ANKFN1: variants seen among roughly 807,000 people sequenced by gnomAD.
ANKFN1 encodes the protein ankyrin repeat and fibronectin type III domain containing 1.
In ANKFN1, 74 loss-of-function variants were observed where a neutral mutation model predicts 108.7. The observed-to-expected ratio is 0.68, with a 90% confidence interval of 0.56 to 0.83. The LOEUF (loss-of-function observed/expected upper bound fraction) is 0.83, where lower values mean the gene tolerates loss of function less well. Among genes scored for constraint, ANKFN1 ranks in the 40% least tolerant of loss-of-function variants. ANKFN1 has a pLI of 0.00. For missense variants in ANKFN1, 1,505 were observed against 1,382.3 expected (o/e 1.09, Z -1.41); for synonymous variants, 547 against 516.2 (o/e 1.06, Z -0.81).
intron 8 of ANKFN1, among the ~76,000 whole-genome samples, chr17:56,397,189 A>T (rs2047613329): frequency 6.6e-6 from 1 of 152,130 alleles, no homozygotes; most frequent in East Asian, 1.9e-4. Flanking sequence ...CATCACCCCC[A>T]ACTAATCCCA....
At chr17:56,449,209 G>C in intron 11 of ANKFN1, 23 bp downstream of exon 11, 4 of 1,599,524 alleles carry the variant, frequency 2.5e-6, no homozygotes, top group Non-Finnish European at 3.4e-6. Flanking sequence ...ATCTGTGCTG[G>C]GCCATCAACT....
chr17:56,162,100 G>A (rs1490544930), intron 1 of ANKFN1, among the ~76,000 whole-genome samples: 10 of 152,138 alleles, frequency 6.6e-5, no homozygotes, highest in Non-Finnish European at 1.5e-4. Context: ...AGTGTAGTCA[G>A]GGCAGGGGGT....
At chr17:56,139,145 G>A (rs1015550043) in intron 4 of ANKFN1, among the ~76,000 whole-genome samples, 4 of 151,914 alleles carry the variant, frequency 2.6e-5, no homozygotes, top group Non-Finnish European at 5.9e-5. Context: ...TATTTTTAAT[G>A]CCATTATTAA....
At chr17:56,450,354 A>T (rs1390630795) in intron 11 of ANKFN1, among the ~76,000 whole-genome samples, 4 of 152,238 alleles carry the variant, frequency 2.6e-5, no homozygotes, top group Non-Finnish European at 5.9e-5. Flanking sequence ...CATTAGCAAA[A>T]GGTTGTTCCC....
At chr17:56,234,026 T>C (rs529732154) in intron 3 of ANKFN1, among the ~76,000 whole-genome samples, 2 of 152,266 alleles carry the variant, frequency 1.3e-5, no homozygotes, top group South Asian at 2.1e-4. Flanking sequence ...AGACAGAACA[T>C]TCCTTTTTGT....
intron 4 of ANKFN1, among the ~76,000 whole-genome samples, chr17:56,125,634 A>G (rs1286226922): frequency 6.6e-6 from 1 of 152,226 alleles, no homozygotes; most frequent in African/African-American, 2.4e-5. Context: ...TTTCCATTTT[A>G]CAAATGAGGA....
intron 17 of ANKFN1, among the ~76,000 whole-genome samples, 191 bp downstream of exon 17, chr17:56,481,009 T>C (rs892298696): frequency 6.7e-6 from 1 of 148,974 alleles, no homozygotes; most frequent in African/African-American, 2.5e-5. Context: ...GCGCTTCTGT[T>C]CCTTTCCTCC....
intron 3 of ANKFN1, chr17:56,323,094 A>T (rs1221103587): frequency 6.6e-6 from 1 of 152,216 alleles, no homozygotes; most frequent in Non-Finnish European, 1.5e-5. Flanking sequence ...CACATTCGCA[A>T]ATATCCTAAG....
intron 8 of ANKFN1, among the ~76,000 whole-genome samples, chr17:56,401,874 C>T (rs957273994): frequency 3.9e-5 from 6 of 151,978 alleles, no homozygotes; most frequent in African/African-American, 1.4e-4. Flanking sequence ...CCCTTGTATG[C>T]CAATTTTGCT....
intron 3 of ANKFN1, among the ~76,000 whole-genome samples, chr17:56,300,930 T>C (rs1374494758): frequency 6.6e-6 from 1 of 152,228 alleles, no homozygotes; most frequent in Non-Finnish European, 1.5e-5. Flanking sequence ...AACTCATGCA[T>C]ACAAGTAGTC....
At chr17:56,368,273 G>GA in intron 6 of ANKFN1, 1 of 35,430 alleles carries the variant, frequency 2.8e-5, no homozygotes, top group Non-Finnish European at 1.0e-4. Flanking sequence ...AACTGAAAAT[G>GA]AACTTTTTTT....
intron 3 of ANKFN1, among the ~76,000 whole-genome samples, chr17:56,287,010 G>A (rs1419483672): frequency 5.9e-5 from 9 of 152,076 alleles, no homozygotes; most frequent in Non-Finnish European, 1.2e-4. Context: ...ACCTGGGGGC[G>A]AGGCTTCTCT....
intron 8 of ANKFN1, among the ~76,000 whole-genome samples, chr17:56,420,180 G>GCTGCATA (rs2048358069): frequency 1.3e-5 from 2 of 152,150 alleles, no homozygotes; most frequent in Non-Finnish European, 2.9e-5. Flanking sequence ...ATGAATAGAT[G>GCTGCATA]GATGGGAAAT....
At chr17:56,492,061 C>T in intron 18 of ANKFN1, 126 bp from the exon 19 acceptor site, 1 of 606,270 alleles carries the variant, frequency 1.6e-6, no homozygotes, top group South Asian at 2.0e-5. Context: ...TTATTTATGG[C>T]TTAATATTTT....
intron 3 of ANKFN1, among the ~76,000 whole-genome samples, chr17:56,262,196 C>A (rs888371817): frequency 6.6e-6 from 1 of 152,158 alleles, no homozygotes; most frequent in African/African-American, 2.4e-5. Flanking sequence ...GAAGGCTCTA[C>A]GACCCTCTCC....
At chr17:56,259,306 C>T (rs1400546496) in intron 3 of ANKFN1, among the ~76,000 whole-genome samples, 1 of 152,168 alleles carries the variant, frequency 6.6e-6, no homozygotes, top group African/African-American at 2.4e-5. Flanking sequence ...CTCAAAATTG[C>T]CATTTCCACA....
At chr17:56,268,428 G>C (rs2043710292) in intron 3 of ANKFN1, among the ~76,000 whole-genome samples, 1 of 152,118 alleles carries the variant, frequency 6.6e-6, no homozygotes, top group Admixed American at 6.5e-5. Flanking sequence ...TACAGCTAAA[G>C]CAGTTTTAAG....
intron 1 of ANKFN1, among the ~76,000 whole-genome samples, chr17:56,194,926 G>C (rs1325054270): frequency 6.6e-6 from 1 of 152,172 alleles, no homozygotes; most frequent in Admixed American, 6.5e-5. Context: ...CAACAATATA[G>C]ATGAGCCATC....
At chr17:56,425,399 C>T (rs1035585673) in intron 8 of ANKFN1, among the ~76,000 whole-genome samples, 2 of 152,216 alleles carry the variant, frequency 1.3e-5, no homozygotes, top group African/African-American at 4.8e-5. Context: ...AGCATTGACT[C>T]TCTCCAATTT....
Sources: allele counts gnomAD v4.1 joint callset (sites outside exome capture counted in the v4.1 genomes callset), GRCh38; gene constraint gnomAD v4.1.1; transcripts MANE v1.5; gene names NCBI Gene and HGNC (gene_info 2026-07-23, HGNC 2026-07-21).